The following FBXL18 variants were observed in gnomAD, a reference collection of about 807,000 sequenced individuals.
FBXL18 encodes F-box and leucine rich repeat protein 18, also known as F-box/LRR-repeat protein 18.
A neutral mutation model predicts 46.0 loss-of-function variants in FBXL18; 36 were observed. The ratio of observed to expected loss-of-function variants is 0.78; its 90% CI spans 0.60 to 1.03. FBXL18 has a LOEUF of 1.03. Ranked by LOEUF, FBXL18 falls within the 50% of genes least tolerant of loss-of-function variation. FBXL18 has a pLI of 0.00. For missense variants in FBXL18, 977 were observed against 1,004.1 expected, an observed-to-expected ratio of 0.97 and a Z score of 0.36; for synonymous variants, 557 against 465.3, an observed-to-expected ratio of 1.20 and a Z score of -2.54.
chr7:5,483,701 G>A lies in FBXL18; in HGVS notation c.2001-1770C>T, dbSNP rs1382469442. ...GGAGGTTGCAGTGAGCCGAGATTGC[G>A]CCACTGCACTCCAGCCTGGGCAACA... On this transcript the variant is annotated intron_variant, in intron 4 of 4. Transcript: ENST00000382368. 9.9e-5 allele frequency among the ~76,000 whole-genome samples: 15 copies of A among 151,944 alleles called. No individual in the cohort carries two copies. In the East Asian group the frequency reaches 1.4e-3, roughly 14 times the overall value.
chr7:5,462,942 C>T (rs532479254), intron 4 of FBXL18, among the ~76,000 whole-genome samples: 6 of 36,698 alleles, frequency 1.6e-4, no homozygotes, highest in South Asian at 1.7e-3. Flanking sequence ...CAGAGTGAGA[C>T]TTGGTCTCAA....
chr7:5,457,800 C>A (rs1383703219), intron 4 of FBXL18, among the ~76,000 whole-genome samples: 1 of 152,194 alleles, frequency 6.6e-6, no homozygotes, highest in African/African-American at 2.4e-5. Flanking sequence ...CCCAGTTCAC[C>A]AGATCTCCAG....
At chr7:5,468,359 T>A (rs945898862) in intron 4 of FBXL18, among the ~76,000 whole-genome samples, 1 of 151,336 alleles carries the variant, frequency 6.6e-6, no homozygotes, top group Non-Finnish European at 1.5e-5. Context: ...CCTCATGATC[T>A]GCCCGCCTTG....
Position 5,476,705 on chromosome 7 carries a change from G to A in FBXL18, c.*5070C>T, listed in dbSNP as rs1212952869. On this transcript the variant is annotated 3_prime_UTR_variant, in exon 5 of 5. Transcript: ENST00000382368. ...GCTGGTCTCGAACTCCTGGGCTCAA[G>A]CGATCCTCCTGCCCCAGCCTCCCAA... 6.6e-6 allele frequency: 1 copy of A among 152,486 alleles called. No homozygotes were observed. The highest frequency in any genetic ancestry group is 1.5e-5 in the Non-Finnish European group (1 of 68,350). 9.4% of individuals were successfully genotyped at this position (152,486 alleles called of 1,614,324 possible). A position where few individuals can be genotyped will look rare whatever the true frequency, so the allele number is the denominator to read the frequency against.
At chr7:5,484,401 G>C (rs1157431434) in intron 4 of FBXL18, among the ~76,000 whole-genome samples, 1 of 151,244 alleles carries the variant, frequency 6.6e-6, no homozygotes, top group Non-Finnish European at 1.5e-5. Context: ...AACCTGGAAG[G>C]TGAGCTTGCA....
At chr7:5,458,254 A>G (rs1345642229) in intron 4 of FBXL18, among the ~76,000 whole-genome samples, 2 of 151,992 alleles carry the variant, frequency 1.3e-5, no homozygotes, top group African/African-American at 4.8e-5. Context: ...ACCACCCCCC[A>G]AGGCCTTGCT....
intron 4 of FBXL18, among the ~76,000 whole-genome samples, chr7:5,469,810 T>C (rs753935342): frequency 6.6e-5 from 10 of 151,768 alleles, no homozygotes; most frequent in Non-Finnish European, 1.3e-4. Context: ...GTGTGAGCAC[T>C]GCTGGAACTG....
Position 5,501,499 on chromosome 7 carries a change from CGGTCGCTAAGCACAGCCA to C in FBXL18, c.752_769del (p.Leu251_Asp256del). The C allele has an allele frequency of 6.2e-7, 1 of 1,613,794 alleles. No individual in the cohort carries two copies. The highest frequency in any genetic ancestry group is 8.5e-7 in the Non-Finnish European group (1 of 1,179,998). ...GAAGGCGTGGAGGTTCTGAGGAGTGCGGTCGCTAAGCACAGCCAGGTAGAGCCGCACCACCTCCTGGTT... is the reference window on the plus strand; with the variant it reads ...GAAGGCGTGGAGGTTCTGAGGAGTGCGGTAGAGCCGCACCACCTCCTGGTT... On this transcript the variant is annotated inframe_deletion, in exon 3 of 5. Coordinates refer to ENST00000382368, the MANE Select transcript of FBXL18 (RefSeq NM_024963.6).
chr7:5,503,404 G>A (rs142171835), intron 2 of FBXL18, among the ~76,000 whole-genome samples: 1 of 152,288 alleles, frequency 6.6e-6, no homozygotes, highest in Non-Finnish European at 1.5e-5. Context: ...CCAGGCTGGA[G>A]CACAGTGGTA....
At chr7:5,482,463 G>A (rs1226331650) in intron 4 of FBXL18, among the ~76,000 whole-genome samples, 2 of 152,084 alleles carry the variant, frequency 1.3e-5, no homozygotes, top group East Asian at 1.9e-4. Flanking sequence ...AAAAGCACAC[G>A]TTTGACCGCA....
At chr7:5,504,943 A>G (rs2128238271) in intron 2 of FBXL18, among the ~76,000 whole-genome samples, 1 of 140,024 alleles carries the variant, frequency 7.1e-6, no homozygotes, top group East Asian at 2.0e-4. Context: ...AAAAAAAAAA[A>G]AAAAAAAGAA....
chr7:5,485,842 T>TCAGGA (rs1783757516), intron 4 of FBXL18, among the ~76,000 whole-genome samples: 1 of 151,256 alleles, frequency 6.6e-6, no homozygotes, highest in Admixed American at 6.6e-5. Flanking sequence ...ACCTGAGAGG[T>TCAGGA]CAGGAGTTCG....
intron 3 of FBXL18, among the ~76,000 whole-genome samples, chr7:5,494,204 A>C (rs1784012395): frequency 6.6e-6 from 1 of 152,024 alleles, no homozygotes; most frequent in South Asian, 2.1e-4. Flanking sequence ...CCTGGGAGGC[A>C]GAGGTTGCGG....
chr7:5,463,738 T>TTA (rs1783297873), intron 4 of FBXL18, among the ~76,000 whole-genome samples: 1 of 63,592 alleles, frequency 1.6e-5, no homozygotes, highest in East Asian at 4.8e-4. Flanking sequence ...ATTTTTTTTT[T>TTA]TTTTTTTTTT....
At position 5,501,324 on chromosome 7, in the gene FBXL18, G is replaced by C. The variant is rs1244664927; in HGVS notation, c.945C>G (p.Asn315Lys). 8.7e-6 allele frequency: 14 copies of C among 1,614,104 alleles called. No homozygotes were observed. Among genetic ancestry groups the C allele is most frequent in the Non-Finnish European group, 1.2e-5 (14 of 1,180,044 alleles). The stretch of plus-strand genomic sequence containing the variant: ...AGCGGCTGAAACTGAAGTAGAACGG[G>C]TTGTTGAATTTCATGTGCTGCAGGA... ...SSLLQHMKFN[N>K]PFYFSFSRCT... The change falls in exon 3 of 5, where the codon AAC (asparagine) becomes AAG (lysine). Residue 315 changes from asparagine to lysine, a missense_variant. By Grantham distance (94) the Asn-to-Lys change is moderately conservative. Transcript: ENST00000382368.
intron 3 of FBXL18, among the ~76,000 whole-genome samples, chr7:5,492,099 G>A (rs1429863000): frequency 6.6e-6 from 1 of 151,150 alleles, no homozygotes; most frequent in Non-Finnish European, 1.5e-5. Context: ...GGCAGCCAGG[G>A]CAGGGGGGAG....
In FBXL18 at chr7:5,462,338, G is replaced by A. The variant is rs538951229; in HGVS notation, c.2001-14495C>T. Among the ~76,000 whole-genome samples the A allele has an allele frequency of 1.1e-3, 161 of 152,316 alleles. 1 individual carries two copies. The highest frequency in any genetic ancestry group is 1.9e-3 in the South Asian group (9 of 4,826). On this transcript the variant is annotated intron_variant and NMD_transcript_variant, in intron 4 of 6. Coordinates refer to the FBXL18 transcript ENST00000415009. The stretch of plus-strand genomic sequence containing the variant: ...AAATGAAAGTATTCACTTGCCCGAG[G>A]CCGGTACAGGAAGCCAGGCATTACC...
chr7:5,500,018 T>C (rs567440432), intron 3 of FBXL18, among the ~76,000 whole-genome samples: 3 of 151,398 alleles, frequency 2.0e-5, no homozygotes, highest in African/African-American at 7.3e-5. Context: ...TGAGCTATGA[T>C]GGCACCACTG....
At chr7:5,508,676 A>C (rs1205779871) in intron 1 of FBXL18, among the ~76,000 whole-genome samples, 1 of 152,122 alleles carries the variant, frequency 6.6e-6, no homozygotes, top group Non-Finnish European at 1.5e-5. Context: ...GTGGGGCCCA[A>C]TCCCAAAAGA....
Sources: allele counts gnomAD v4.1 joint callset (sites outside exome capture counted in the v4.1 genomes callset), GRCh38; gene constraint gnomAD v4.1.1; transcripts MANE v1.5; gene names NCBI Gene and HGNC (gene_info 2026-07-23, HGNC 2026-07-21).